MAG: variants seen among roughly 807,000 people sequenced by gnomAD.
The protein encoded by MAG is myelin associated glycoprotein.
MAG carries 30 observed loss-of-function variants against 60.7 expected under a neutral mutation model. The observed-to-expected ratio is 0.49, with a 90% confidence interval of 0.37 to 0.67. MAG has a LOEUF of 0.67. Ranked by LOEUF, MAG falls within the 30% of genes least tolerant of loss-of-function variation. The probability of loss-of-function intolerance (pLI) is 0.00; values close to 1 mark genes in which losing one functional copy is unlikely to be tolerated. For synonymous variants in MAG, 384 were observed against 376.8 expected (o/e 1.02, Z -0.22); for missense variants, 795 against 851.7 (o/e 0.93, Z 0.83).
In MAG at chr19:35,293,396, G is replaced by A. The variant is rs1477996591; in HGVS notation, c.-79-839G>A. Among the ~76,000 whole-genome samples, 1 of 151,974 alleles carries A rather than the reference G, an allele frequency of 6.6e-6. No homozygotes were observed. Among genetic ancestry groups the A allele is most frequent in the Non-Finnish European group, 1.5e-5 (1 of 67,984 alleles). On this transcript the variant is annotated intron_variant, in intron 1 of 10. Transcript: ENST00000392213. This position sits in a 1 kb window ranked among gnomAD's most constrained non-coding sequence, Gnocchi z 4.0. ...ACTATGTGAGTGCCAGCCCATCCCT[G>A]TGGGCACAGGGGTCCCTGTGCCTGT...
At chr19:35,312,247 C>A in intron 10 of MAG, 1 of 1,604,392 alleles carries the variant, frequency 6.2e-7, no homozygotes, top group Admixed American at 1.7e-5. Context: ...CCCCTCCCTG[C>A]CTGTGTCTGT....
intron 7 of MAG, among the ~76,000 whole-genome samples, chr19:35,307,085 C>G (rs2066491217): frequency 6.6e-6 from 1 of 152,270 alleles, no homozygotes; most frequent in Non-Finnish European, 1.5e-5. Context: ...CACCAGAGCA[C>G]CAGTGGGGCT....
intron 1 of MAG, among the ~76,000 whole-genome samples, chr19:35,292,913 C>G (rs1411921907): frequency 6.6e-6 from 1 of 152,086 alleles, no homozygotes; most frequent in Non-Finnish European, 1.5e-5. Context: ...ACTACAGAAA[C>G]TTTTTAGATG....
At chr19:35,306,421 G>A (rs2066486355) in intron 7 of MAG, among the ~76,000 whole-genome samples, 1 of 152,036 alleles carries the variant, frequency 6.6e-6, no homozygotes, top group East Asian at 1.9e-4. Context: ...TGGGTGGGAT[G>A]TTACGTATTT....
At position 35,295,584 on chromosome 19, in the gene MAG, T is replaced by C; in HGVS notation, c.47-29T>C. The C allele has an allele frequency of 6.3e-7, 1 of 1,594,234 alleles. No individual in the cohort carries two copies. The highest frequency in any genetic ancestry group is 2.2e-5 in the East Asian group (1 of 44,744). On this transcript the variant is annotated intron_variant, in intron 3 of 10. Transcript: ENST00000392213. This position sits in a 1 kb window ranked among gnomAD's most constrained non-coding sequence, Gnocchi z 5.8. ...GGGGTGATCGGGTAGGACGTGTCCCTGAGCCTCAGCTCTCCTGCTTGCCCG... is the reference window on the plus strand; with the variant it reads ...GGGGTGATCGGGTAGGACGTGTCCCCGAGCCTCAGCTCTCCTGCTTGCCCG...
chr19:35,301,228 TTCAGGCC>T (rs2066446167), intron 6 of MAG, among the ~76,000 whole-genome samples: 1 of 152,110 alleles, frequency 6.6e-6, no homozygotes, highest in African/African-American at 2.4e-5. Flanking sequence ...TTGAGGGGAC[TTCAGGCC>T]TCATCCAGCC....
intron 7 of MAG, among the ~76,000 whole-genome samples, chr19:35,306,160 C>A (rs1251731779): frequency 7.0e-6 from 1 of 142,154 alleles, no homozygotes; most frequent in Non-Finnish European, 1.5e-5. Context: ...ACTGTCCCAC[C>A]CCCACACTCC....
In MAG at chr19:35,313,275, G is replaced by A. The variant is rs199522584; in HGVS notation, c.1717-15G>A. On this transcript the variant is annotated splice_polypyrimidine_tract_variant and intron_variant, in intron 10 of 10. Coordinates refer to ENST00000392213, the MANE Select transcript of MAG (RefSeq NM_002361.4). The stretch of plus-strand genomic sequence containing the variant: ...AGGGAGCAGGACCCTGCTAATGGGC[G>A]GTTTCCCCTCTTAGAGCGAGAGGCG... 1.5e-5 allele frequency: 24 copies of A among 1,609,688 alleles called. No individual in the cohort carries two copies. Among genetic ancestry groups the A allele is most frequent in the South Asian group, 6.6e-5 (6 of 90,662 alleles).
At chr19:35,292,896 G>A (rs1179606289) in intron 1 of MAG, among the ~76,000 whole-genome samples, 4 of 151,964 alleles carry the variant, frequency 2.6e-5, no homozygotes, top group Non-Finnish European at 5.9e-5. Flanking sequence ...CACTGCGCCC[G>A]GCCCCAACTA....
intron 6 of MAG, among the ~76,000 whole-genome samples, chr19:35,302,164 A>G (rs770226979): frequency 5.0e-4 from 76 of 152,200 alleles, no homozygotes; most frequent in Non-Finnish European, 1.3e-4. Context: ...GGTTGGAACT[A>G]TTATGAAGCC....
chr19:35,301,845 T>G (rs560990530), intron 6 of MAG, among the ~76,000 whole-genome samples: 17 of 152,096 alleles, frequency 1.1e-4, no homozygotes, highest in African/African-American at 4.1e-4. Flanking sequence ...GGATTACAGG[T>G]GTGAGCCACC....
At chr19:35,299,034 A>G (rs1402904059) in intron 4 of MAG, among the ~76,000 whole-genome samples, 3 of 138,364 alleles carry the variant, frequency 2.2e-5, no homozygotes, top group African/African-American at 7.7e-5. Context: ...CATGCACCAC[A>G]CACCCACACC....
intron 9 of MAG, among the ~76,000 whole-genome samples, 160 bp from the exon 10 acceptor site, chr19:35,311,758 G>T (rs1402570200): frequency 3.3e-5 from 5 of 152,216 alleles, no homozygotes; most frequent in Non-Finnish European, 5.9e-5. Flanking sequence ...TGGGAAGGAT[G>T]GGCTGTGTGG....
intron 10 of MAG, chr19:35,312,346 T>G: frequency 6.2e-7 from 1 of 1,608,326 alleles, no homozygotes; most frequent in African/African-American, 1.3e-5. Context: ...GGGGCCTCAG[T>G]GTGCCCTCCT....
chr19:35,309,318 T>C (rs1366456392), intron 7 of MAG, among the ~76,000 whole-genome samples: 1 of 152,100 alleles, frequency 6.6e-6, no homozygotes, highest in African/African-American at 2.4e-5. Flanking sequence ...ACTTGCACAG[T>C]GCTACGGCGA....
rs774187694 is a variant in MAG at position 35,295,279 on chromosome 19, A to G, written c.-23-107A>G. On this transcript the variant is annotated intron_variant, in intron 2 of 10. Coordinates refer to ENST00000392213, the MANE Select transcript of MAG (RefSeq NM_002361.4). This position sits in a 1 kb window ranked among gnomAD's most constrained non-coding sequence, Gnocchi z 5.8. Reference sequence around the variant, plus strand: ...TAAGTAAATAAATGCATAAATAAATAATAATAGCAGCAGCAGCTAACATAT... The same window carrying G: ...TAAGTAAATAAATGCATAAATAAATGATAATAGCAGCAGCAGCTAACATAT... 1 of 852,108 alleles carries G rather than the reference A, an allele frequency of 1.2e-6. No homozygotes were observed. The highest frequency in any genetic ancestry group is 1.9e-6 in the Non-Finnish European group (1 of 540,264). 52.8% of individuals were successfully genotyped at this position (852,108 alleles called of 1,614,324 possible). A position where few individuals can be genotyped will look rare whatever the true frequency, so the allele number is the denominator to read the frequency against.
chr19:35,300,556 T>G (rs1057467641), intron 6 of MAG, 152 bp downstream of exon 6: 3 of 964,818 alleles, frequency 3.1e-6, no homozygotes, highest in African/African-American at 3.3e-5. Flanking sequence ...CAAGTCAAGG[T>G]GTACCTTCAT....
rs754268990 is a variant in MAG, at chr19:35,310,072, G to C, written c.1430G>C (p.Arg477Pro). The C allele has an allele frequency of 2.5e-6, 4 of 1,613,404 alleles. No individual in the cohort carries two copies. Among genetic ancestry groups the C allele is most frequent in the South Asian group, 2.2e-5 (2 of 91,060 alleles). The change falls in exon 8 of 11, where the codon CGG becomes CCG. Residue 477 changes from arginine (R) to proline (P), a missense_variant. Transcript: ENST00000392213. ...GLVLTSILTL[R>P]GQAQAPPRVI... is the part of the protein sequence containing the mutation. The stretch of plus-strand genomic sequence containing the variant: ...GTGCTCACCAGCATCCTCACGCTGC[G>C]GGGGCAGGCCCAGGCCCCGCCCCGC...
rs200687098 is a variant in MAG, at chr19:35,300,241, G to C, written c.807G>C (p.Pro269=). ...LLCGADSNPP[P]LLTWMRDGTV... Reference sequence around the variant, plus strand: ...GTGGGGCTGACAGCAACCCCCCGCCGCTGCTGACCTGGATGCGGGACGGGA... The same window carrying C: ...GTGGGGCTGACAGCAACCCCCCGCCCCTGCTGACCTGGATGCGGGACGGGA... Residue 269 remains proline (P), a synonymous_variant, in exon 6 of 11, where the codon CCG becomes CCC. Transcript: ENST00000392213. The C allele has an allele frequency of 5.7e-6, 9 of 1,588,712 alleles. No homozygotes were observed. The highest frequency in any genetic ancestry group is 1.7e-4 in the Middle Eastern group (1 of 6,006).
Sources: gnomAD v4.1 joint callset for allele counts (sites outside exome capture counted in the v4.1 genomes callset) on GRCh38, gnomAD v4.1.1 for gene constraint, Gnocchi (gnomAD v3.1) non-coding constraint, MANE v1.5 for transcripts, NCBI Gene and HGNC (gene_info 2026-07-23, HGNC 2026-07-21) for gene names.